Variants in DNER observed in about 807,000 individuals in gnomAD.
The protein encoded by DNER is delta/notch like EGF repeat containing, also known as delta and Notch-like epidermal growth factor-related receptor.
DNER carries 33 observed loss-of-function variants against 78.2 expected under a neutral mutation model. The ratio of observed to expected loss-of-function variants is 0.42; its 90% CI spans 0.32 to 0.56. The LOEUF (loss-of-function observed/expected upper bound fraction) is 0.56, where lower values mean the gene tolerates loss of function less well. Ranked by LOEUF, DNER falls within the 20% of genes least tolerant of loss-of-function variation. DNER has a pLI of 0.11. For synonymous variants in DNER, 417 were observed against 384.8 expected, an observed-to-expected ratio of 1.08 and a Z score of -0.98; for missense variants, 918 against 975.3, an observed-to-expected ratio of 0.94 and a Z score of 0.78.
intron 1 of DNER, among the ~76,000 whole-genome samples, chr2:229,645,337 C>T (rs1359468729): frequency 1.3e-5 from 2 of 152,136 alleles, no homozygotes; most frequent in African/African-American, 2.4e-5. Context: ...GGATATTGAA[C>T]AAGCAAGAAG....
At chr2:229,407,197 G>A (rs1422312543) in intron 10 of DNER, 35 bp downstream of exon 10, 3 of 1,573,646 alleles carry the variant, frequency 1.9e-6, no homozygotes, top group Non-Finnish European at 2.6e-6. Flanking sequence ...GCACTTTGTG[G>A]TAAATTTGAA....
intron 1 of DNER, among the ~76,000 whole-genome samples, chr2:229,606,789 A>C (rs932122104): frequency 2.0e-5 from 3 of 152,118 alleles, no homozygotes; most frequent in Non-Finnish European, 4.4e-5. Flanking sequence ...GCTACTCGGG[A>C]GGCTGAGGCA....
intron 1 of DNER, among the ~76,000 whole-genome samples, chr2:229,675,852 G>A (rs1699292987): frequency 6.6e-6 from 1 of 152,170 alleles, no homozygotes; most frequent in African/African-American, 2.4e-5. Context: ...ACCATGCACT[G>A]GTGAATAATG....
chr2:229,634,510 A>G (rs1297393860), intron 1 of DNER, among the ~76,000 whole-genome samples: 2 of 152,232 alleles, frequency 1.3e-5, no homozygotes, highest in Non-Finnish European at 2.9e-5. Context: ...TTCTAGAAAC[A>G]TATACTCAAA....
In DNER at chr2:229,393,850, AC is replaced by A. The variant is rs1332858039; in HGVS notation, c.1724-5455del. On this transcript the variant is annotated intron_variant, in intron 10 of 12. Transcript: ENST00000341772. ...CAACAGAGCGAGACTCCGTCTCAAAACAAAAACAAAAACAAAAACAAAAACA... is the reference window on the plus strand; with the variant it reads ...CAACAGAGCGAGACTCCGTCTCAAAAAAAAACAAAAACAAAAACAAAAACA... 4.3e-4 allele frequency among the ~76,000 whole-genome samples: 52 copies of A among 120,026 alleles called. 1 individual carries two copies. The highest frequency in any genetic ancestry group is 1.9e-3 in the African/African-American group (48 of 25,290). The allele number at this position is 120,026 out of a possible 152,430, so 78.7% of individuals were successfully genotyped here.
intron 4 of DNER, among the ~76,000 whole-genome samples, chr2:229,575,665 C>T (rs1697285264): frequency 6.6e-6 from 1 of 152,136 alleles, no homozygotes; most frequent in Non-Finnish European, 1.5e-5. Flanking sequence ...GGAAGCCCAT[C>T]CCAGCAGGGC....
intron 5 of DNER, among the ~76,000 whole-genome samples, chr2:229,521,778 C>T (rs76522254): frequency 0.011 from 1,634 of 152,294 alleles, 73 homozygotes; most frequent in Admixed American, 0.088. Context: ...CACAAGAACA[C>T]ATGGAACCTA....
At chr2:229,506,519 T>C (rs1574875004) in intron 6 of DNER, among the ~76,000 whole-genome samples, 3 of 98,450 alleles carry the variant, frequency 3.0e-5, no homozygotes, top group Admixed American at 9.9e-5. Flanking sequence ...GCCTTTTTTT[T>C]TCTTTTTTTT....
At chr2:229,437,038 A>G (rs997037411) in intron 8 of DNER, among the ~76,000 whole-genome samples, 1 of 152,216 alleles carries the variant, frequency 6.6e-6, no homozygotes, top group Admixed American at 6.5e-5. Context: ...ATGGTATGCT[A>G]TCTTTGAGAG....
intron 4 of DNER, among the ~76,000 whole-genome samples, chr2:229,575,484 T>C (rs1697280974): frequency 6.6e-6 from 1 of 152,196 alleles, no homozygotes; most frequent in South Asian, 2.1e-4. Context: ...CTTTTAGTGC[T>C]CAAAGAAATT....
chr2:229,369,630 G>A (rs1428047799), intron 11 of DNER, among the ~76,000 whole-genome samples: 1 of 152,156 alleles, frequency 6.6e-6, no homozygotes, highest in Non-Finnish European at 1.5e-5. Flanking sequence ...GCTCTGAGCT[G>A]AGGATTACTG....
At chr2:229,636,329 C>T (rs1345365562) in intron 1 of DNER, among the ~76,000 whole-genome samples, 1 of 152,180 alleles carries the variant, frequency 6.6e-6, no homozygotes, top group Non-Finnish European at 1.5e-5. Context: ...AAGCCAGTGG[C>T]ACAGAGGTGC....
intron 4 of DNER, among the ~76,000 whole-genome samples, chr2:229,574,481 A>G (rs1017840642): frequency 1.3e-5 from 2 of 152,166 alleles, no homozygotes; most frequent in African/African-American, 4.8e-5. Flanking sequence ...TAAATGAAAA[A>G]AGCAAATAAC....
At chr2:229,676,266 A>G (rs1699299175) in intron 1 of DNER, among the ~76,000 whole-genome samples, 1 of 152,218 alleles carries the variant, frequency 6.6e-6, no homozygotes, top group African/African-American at 2.4e-5. Flanking sequence ...CAGATGGTGA[A>G]GAGCTCTGAG....
chr2:229,567,805 A>G (rs1697141117), intron 4 of DNER, among the ~76,000 whole-genome samples: 1 of 152,218 alleles, frequency 6.6e-6, no homozygotes, highest in Admixed American at 6.5e-5. Context: ...CAATGTGACT[A>G]TCATCTCAGT....
At position 229,604,618 on chromosome 2, in the gene DNER, C is replaced by A. The variant is rs946214170; in HGVS notation, c.277-12730G>T. ...GTGTTCTTGTGTACCTGCCTGGCTTCTTGACTGCTTTGATGTGTGTTTTTC... is the reference window on the plus strand; with the variant it reads ...GTGTTCTTGTGTACCTGCCTGGCTTATTGACTGCTTTGATGTGTGTTTTTC... On this transcript the variant is annotated intron_variant, in intron 1 of 12. Transcript: ENST00000341772. Among the ~76,000 whole-genome samples, 8 of 152,272 alleles carry A rather than the reference C, an allele frequency of 5.3e-5. No individual in the cohort carries two copies. The South Asian group carries it at 1.7e-3, about 32-fold the overall frequency.
intron 11 of DNER, among the ~76,000 whole-genome samples, chr2:229,386,162 T>C (rs929265497): frequency 1.3e-5 from 2 of 152,124 alleles, no homozygotes; most frequent in Non-Finnish European, 2.9e-5. Context: ...TCAGAAATGA[T>C]GCCACATATC....
intron 1 of DNER, among the ~76,000 whole-genome samples, chr2:229,606,482 C>T (rs1053959747): frequency 3.8e-5 from 4 of 104,986 alleles, no homozygotes; most frequent in African/African-American, 1.2e-4. Flanking sequence ...TCTCTACAGT[C>T]TTTGGATTAA....
chr2:229,435,862 T>G (rs571125401), intron 8 of DNER, among the ~76,000 whole-genome samples: 4 of 152,360 alleles, frequency 2.6e-5, no homozygotes, highest in African/African-American at 7.2e-5. Flanking sequence ...TTGTAATTTT[T>G]TAATGATTTT....
Sources: allele counts gnomAD v4.1 joint callset (sites outside exome capture counted in the v4.1 genomes callset), GRCh38; gene constraint gnomAD v4.1.1; transcripts MANE v1.5; gene names NCBI Gene and HGNC (gene_info 2026-07-23, HGNC 2026-07-21).